DNAAF8: variants seen among roughly 807,000 people sequenced by gnomAD.
DNAAF8 encodes dynein axonemal-associated protein 1.
DNAAF8 carries 61 observed loss-of-function variants against 54.6 expected under a neutral mutation model. That is an observed-to-expected ratio of 1.12 (90% CI 0.91 to 1.38). DNAAF8 has a LOEUF of 1.38. Among genes scored for constraint, DNAAF8 ranks in the 40% most tolerant of loss-of-function variants. DNAAF8 has a pLI of 0.00. For synonymous variants in DNAAF8, 320 were observed against 270.1 expected, an observed-to-expected ratio of 1.18 and a Z score of -1.81; for missense variants, 837 against 665.0, an observed-to-expected ratio of 1.26 and a Z score of -2.85.
At chr16:4,747,690 C>G in intron 9 of DNAAF8, 56 bp downstream of exon 9, 1 of 1,501,700 alleles carries the variant, frequency 6.7e-7, no homozygotes, top group Non-Finnish European at 8.9e-7. Flanking sequence ...GACCCTGGGC[C>G]CCGGTGTCCC....
chr16:4,744,831 A>G (rs766194544), intron 5 of DNAAF8, 39 bp from the exon 6 acceptor site: 43 of 1,592,186 alleles, frequency 2.7e-5, no homozygotes, highest in Non-Finnish European at 1.8e-5. Flanking sequence ...CAAGTGGGCC[A>G]AGTCCCCACT....
rs1387519413 is a variant in DNAAF8, at chr16:4,749,333, A to C, written c.*618A>C. On this transcript the variant is annotated 3_prime_UTR_variant, in exon 10 of 10. Coordinates refer to ENST00000299320, the MANE Select transcript of DNAAF8 (RefSeq NM_139170.3). ...TTTCTTCCATTTCTCCCACCTTTTT[A>C]ATGCCAGTAACCTCACTGAGAATGT... 1 of 154,312 alleles carries C rather than the reference A, an allele frequency of 6.5e-6. No individual in the cohort carries two copies. The highest frequency in any genetic ancestry group is 2.4e-5 in the African/African-American group (1 of 41,492). 9.6% of individuals were successfully genotyped at this position (154,312 alleles called of 1,614,324 possible).
intron 6 of DNAAF8, 56 bp from the exon 7 acceptor site, chr16:4,746,319 G>C: frequency 1.3e-6 from 2 of 1,548,920 alleles, no homozygotes; most frequent in South Asian, 1.2e-5. Flanking sequence ...ACCCAGCGCA[G>C]GTCACAGAGT....
chr16:4,743,121 G>C lies in DNAAF8; in HGVS notation c.862G>C (p.Gly288Arg), dbSNP rs1372599396. The change falls in exon 5 of 10, where the codon GGA (glycine) becomes CGA (arginine). Residue 288 changes from glycine to arginine, a missense_variant. Coordinates refer to ENST00000299320, the MANE Select transcript of DNAAF8 (RefSeq NM_139170.3). ...QEDNQGNRAP[G>R]TVWWAADHRQ... is the part of the protein sequence containing the mutation. ...AGACAACCAGGGAAATCGTGCACCT[G>C]GAACTGTGTGGTGGGCAGCTGACCA... 6.2e-7 allele frequency: 1 copy of C among 1,611,774 alleles called. No individual in the cohort carries two copies. The highest frequency in any genetic ancestry group is 1.7e-5 in the Admixed American group (1 of 59,576).
chr16:4,738,020 T>A, intron 3 of DNAAF8, 74 bp downstream of exon 3: 2 of 1,497,754 alleles, frequency 1.3e-6, no homozygotes, highest in Non-Finnish European at 1.8e-6. Context: ...TAAACCACTG[T>A]TCTAGCATTT....
chr16:4,746,695 A>G (rs2082021521), intron 7 of DNAAF8, 183 bp downstream of exon 7: 1 of 893,126 alleles, frequency 1.1e-6, no homozygotes, highest in Admixed American at 3.1e-5. Flanking sequence ...GAAGAGGGGC[A>G]TGAGGCACAC....
intron 5 of DNAAF8, chr16:4,743,481 T>G: frequency 1.5e-5 from 3 of 199,976 alleles, no homozygotes; most frequent in Non-Finnish European, 3.0e-5. Context: ...CTCCTCCTCC[T>G]TCCTGGGGGA....
Position 4,740,296 on chromosome 16 carries a change from C to G in DNAAF8, c.420C>G (p.Ala140=), listed in dbSNP as rs151268685. ...SGEVSALLGM[A]EEPPRWLEGD... Reference sequence around the variant, plus strand: ...AGGTCAGCGCTCTTCTTGGGATGGCCGAGGAGCCCCCCAGGTGGCTGGAAG... The same window carrying G: ...AGGTCAGCGCTCTTCTTGGGATGGCGGAGGAGCCCCCCAGGTGGCTGGAAG... The change falls in exon 4 of 10, where the codon GCC becomes GCG. Residue 140 remains alanine (A), a synonymous_variant. Coordinates refer to ENST00000299320, the MANE Select transcript of DNAAF8 (RefSeq NM_139170.3). The G allele has an allele frequency of 1.3e-5, 21 of 1,613,790 alleles. No individual in the cohort carries two copies. Among genetic ancestry groups the G allele is most frequent in the Admixed American group, 1.0e-4 (6 of 59,986 alleles).
At chr16:4,748,522 C>T (rs955165109) in intron 9 of DNAAF8, 6 of 152,296 alleles carry the variant, frequency 3.9e-5, no homozygotes, top group Non-Finnish European at 7.3e-5. Flanking sequence ...GCAGCGGCCT[C>T]ACTTGTTGAT....
intron 5 of DNAAF8, among the ~76,000 whole-genome samples, chr16:4,744,224 C>CCCAGCCAGGTGTAGCCACTTCTG (rs2081984701): frequency 6.6e-6 from 1 of 152,206 alleles, no homozygotes; most frequent in Admixed American, 6.5e-5. Context: ...AGCCACCGCG[C>CCCAGCCAGGTGTAGCCACTTCTG]TTGGCCGAAT....
intron 3 of DNAAF8, among the ~76,000 whole-genome samples, chr16:4,739,265 G>GTTTTTTTTTTTTTGTT (rs2081932035): frequency 1.4e-5 from 1 of 69,030 alleles, no homozygotes; most frequent in Admixed American, 2.3e-4. Context: ...ATTTTTTCTT[G>GTTTTTTTTTTTTTGTT]TTTTTTTTTT....
chr16:4,745,128 T>C, intron 6 of DNAAF8, 117 bp downstream of exon 6: 1 of 1,331,140 alleles, frequency 7.5e-7, no homozygotes, highest in Non-Finnish European at 1.0e-6. Flanking sequence ...TCAGTCACTC[T>C]CAAGCATCTG....
chr16:4,739,265 G>GTTTTCTTTTTTTTT (rs2081931524), intron 3 of DNAAF8, among the ~76,000 whole-genome samples: 1 of 69,030 alleles, frequency 1.4e-5, no homozygotes, highest in African/African-American at 5.4e-5. Context: ...ATTTTTTCTT[G>GTTTTCTTTTTTTTT]TTTTTTTTTT....
rs562939933 is a variant in DNAAF8, at chr16:4,742,009, G to A, written c.784-1034G>A. Among the ~76,000 whole-genome samples the A allele has an allele frequency of 6.6e-5, 10 of 152,222 alleles. No homozygotes were observed. The East Asian group carries it at 7.7e-4, about 12-fold the overall frequency. Reference sequence around the variant, plus strand: ...ATCTTTACTACTGTTTAAATCAACCGTTCTTTCTGCTCACCTAAAAACTTA... The same window carrying A: ...ATCTTTACTACTGTTTAAATCAACCATTCTTTCTGCTCACCTAAAAACTTA... On this transcript the variant is annotated intron_variant, in intron 4 of 9. Coordinates refer to ENST00000299320, the MANE Select transcript of DNAAF8 (RefSeq NM_139170.3).
rs781640211 is a variant in DNAAF8, at chr16:4,740,475, G to T, written c.599G>T (p.Arg200Leu). The T allele has an allele frequency of 3.1e-6, 5 of 1,614,020 alleles. No individual in the cohort carries two copies. Among genetic ancestry groups the T allele is most frequent in the Non-Finnish European group, 4.2e-6 (5 of 1,179,984 alleles). ...GAATCTGTGAACCGCCGGGCCCTCC[G>T]ACAGGAGAGAAGGAAGATGATAGAG... ...SQESVNRRAL[R>L]QERRKMIETD... The change falls in exon 4 of 10, where the codon CGA (arginine) becomes CTA (leucine). Residue 200 changes from arginine to leucine, a missense_variant. Arg to Leu is a moderately radical substitution (Grantham distance 102). Coordinates refer to ENST00000299320, the MANE Select transcript of DNAAF8 (RefSeq NM_139170.3).
At position 4,747,586 on chromosome 16, in the gene DNAAF8, A is replaced by G. The variant is rs2082034738; in HGVS notation, c.1524A>G (p.Ala508=). ...RALGDVPEPG[A]AREALMPPLE... ...TGGGGGATGTTCCTGAGCCAGGGGC[A>G]GCCAGGGAGGCCCTGATGCCTCCTC... Residue 508 remains alanine, a synonymous_variant, in exon 9 of 10, where the codon GCA becomes GCG. Transcript: ENST00000299320. 1 of 1,610,770 alleles carries G rather than the reference A, an allele frequency of 6.2e-7. No individual in the cohort carries two copies. Among genetic ancestry groups the G allele is most frequent in the South Asian group, 1.1e-5 (1 of 90,924 alleles).
chr16:4,746,826 T>C (rs2082023224), intron 7 of DNAAF8, 101 bp from the exon 8 acceptor site: 8 of 1,141,486 alleles, frequency 7.0e-6, no homozygotes, highest in Middle Eastern at 2.1e-4. Context: ...GCTGACCTCT[T>C]GCATTGGGTC....
At chr16:4,734,990 G>T (rs2081859527) in intron 1 of DNAAF8, 1 of 152,074 alleles carries the variant, frequency 6.6e-6, no homozygotes, top group Admixed American at 6.6e-5. Context: ...ATTCAGAGGC[G>T]GCTCCGAGCC....
chr16:4,736,364 C>G (rs2081901786), intron 1 of DNAAF8, 100 bp from the exon 2 acceptor site: 1 of 862,654 alleles, frequency 1.2e-6, no homozygotes, highest in African/African-American at 1.7e-5. Context: ...GGTGGTGAGG[C>G]CTGCCAGCCT....
Sources: allele counts gnomAD v4.1 joint callset (sites outside exome capture counted in the v4.1 genomes callset), GRCh38; gene constraint gnomAD v4.1.1; transcripts MANE v1.5; gene names NCBI Gene and HGNC (gene_info 2026-07-23, HGNC 2026-07-21).